Variants in CNST observed in about 807,000 individuals in gnomAD.
CNST encodes consortin, connexin sorting protein, also known as consortin.
A neutral mutation model predicts 72.4 loss-of-function variants in CNST; 39 were observed. The observed-to-expected ratio is 0.54, with a 90% CI of 0.42 to 0.70. The LOEUF (loss-of-function observed/expected upper bound fraction) is 0.70. Among genes scored for constraint, CNST ranks in the 30% least tolerant of loss-of-function variants. The pLI is 0.00. For missense variants in CNST, 871 were observed against 868.5 expected, an observed-to-expected ratio of 1.00 and a Z score of -0.04; for synonymous variants, 332 against 320.1, an observed-to-expected ratio of 1.04 and a Z score of -0.40.
intron 2 of CNST, among the ~76,000 whole-genome samples, chr1:246,599,008 G>A (rs1662077696): frequency 6.6e-6 from 1 of 152,114 alleles, no homozygotes; most frequent in East Asian, 1.9e-4. Context: ...AGAAACAGTA[G>A]CCTCTCATTT....
intron 9 of CNST, among the ~76,000 whole-genome samples, chr1:246,654,946 A>G (rs1446537762): frequency 6.6e-6 from 1 of 152,222 alleles, no homozygotes; most frequent in Non-Finnish European, 1.5e-5. Flanking sequence ...AGGGAGAGAC[A>G]CGTAATAAGT....
chr1:246,566,647 G>A lies in CNST; in HGVS notation c.-68G>A, dbSNP rs1263606134. ...CCGGCGCCCAGCGGTAGCCCTCCTT[G>A]CGCCTCCGATTCCCAGGTGAGGAGA... is the stretch of plus-strand genomic sequence containing the variant. On this transcript the variant is annotated 5_prime_UTR_variant, in exon 1 of 11. Coordinates refer to ENST00000366513, the MANE Select transcript of CNST (RefSeq NM_152609.3). The A allele has an allele frequency of 5.0e-6, 2 of 401,228 alleles. No individual in the cohort carries two copies. Among genetic ancestry groups the A allele is most frequent in the Non-Finnish European group, 8.8e-6 (2 of 227,418 alleles). 24.9% of individuals were successfully genotyped at this position (401,228 alleles called of 1,614,324 possible).
At chr1:246,658,220 A>G (rs893906062) in intron 9 of CNST, among the ~76,000 whole-genome samples, 4 of 152,200 alleles carry the variant, frequency 2.6e-5, no homozygotes, top group Non-Finnish European at 4.4e-5. Flanking sequence ...ATTCATGAAA[A>G]TTAATTCTTG....
intron 1 of CNST, among the ~76,000 whole-genome samples, chr1:246,575,436 A>C (rs1039072903): frequency 6.6e-6 from 1 of 152,210 alleles, no homozygotes; most frequent in Admixed American, 6.5e-5. Flanking sequence ...CCCCTTGAAA[A>C]CATGCTGAGT....
intron 1 of CNST, among the ~76,000 whole-genome samples, chr1:246,579,110 G>C (rs1660628370): frequency 1.3e-5 from 2 of 152,138 alleles, no homozygotes; most frequent in South Asian, 4.1e-4. Context: ...TGATTTATTT[G>C]AGCTTAAATA....
At chr1:246,573,248 A>G (rs540149133) in intron 1 of CNST, among the ~76,000 whole-genome samples, 22 of 152,336 alleles carry the variant, frequency 1.4e-4, no homozygotes, top group South Asian at 6.2e-4. Context: ...GCATTGGATA[A>G]GCACTGTAAA....
intron 3 of CNST, among the ~76,000 whole-genome samples, chr1:246,628,913 A>C (rs1192430181): frequency 6.6e-6 from 1 of 152,102 alleles, no homozygotes; most frequent in African/African-American, 2.4e-5. Context: ...ACATGATTCC[A>C]CTCAGCATCT....
rs1189898179 is a variant in CNST, at chr1:246,634,530, A to G, written c.761A>G (p.Lys254Arg). 6.2e-7 allele frequency: 1 copy of G among 1,609,718 alleles called. No individual in the cohort carries two copies. Among genetic ancestry groups the G allele is most frequent in the Non-Finnish European group, 8.5e-7 (1 of 1,179,156 alleles). The change falls in exon 6 of 11, where the codon AAG (lysine) becomes AGG (arginine). Residue 254 changes from lysine (K) to arginine (R), a missense_variant. By Grantham distance (26) the Lys-to-Arg change is conservative. Transcript: ENST00000366513. ...HTVTALRNSE[K>R]GFNGEDFERL... ...GTTACGGCTCTAAGGAATTCAGAAA[A>G]GGGATTTAATGGTGAAGATTTTGAA...
chr1:246,572,814 C>G (rs1660146374), intron 1 of CNST, among the ~76,000 whole-genome samples: 1 of 152,146 alleles, frequency 6.6e-6, no homozygotes, highest in Non-Finnish European at 1.5e-5. Flanking sequence ...GTGCCTACTT[C>G]AGCCTCTCAA....
chr1:246,573,833 C>T (rs1660212729), intron 1 of CNST, among the ~76,000 whole-genome samples: 2 of 151,408 alleles, frequency 1.3e-5, no homozygotes, highest in South Asian at 2.1e-4. Flanking sequence ...GGAGAGTTTC[C>T]ATTTTCCTCC....
chr1:246,634,539 ATGG>A lies in CNST; in HGVS notation c.773_775del (p.Gly258del), dbSNP rs776822854. Reference sequence around the variant, plus strand: ...CTAAGGAATTCAGAAAAGGGATTTAATGGTGAAGATTTTGAACGGCTTACGAAA... The same window carrying A: ...CTAAGGAATTCAGAAAAGGGATTTAATGAAGATTTTGAACGGCTTACGAAA... On this transcript the variant is annotated inframe_deletion, in exon 6 of 11. Coordinates refer to ENST00000366513, the MANE Select transcript of CNST (RefSeq NM_152609.3). The A allele has an allele frequency of 1.9e-6, 3 of 1,609,380 alleles. No individual in the cohort carries two copies. The highest frequency in any genetic ancestry group is 2.2e-5 in the South Asian group (2 of 89,808).
chr1:246,595,654 T>C (rs1425364643), intron 2 of CNST, among the ~76,000 whole-genome samples: 1 of 151,360 alleles, frequency 6.6e-6, no homozygotes, highest in Non-Finnish European at 1.5e-5. Flanking sequence ...TGAAATGACA[T>C]ATAAAAAACA....
At chr1:246,601,045 C>G (rs879559610) in intron 2 of CNST, among the ~76,000 whole-genome samples, 5 of 152,168 alleles carry the variant, frequency 3.3e-5, no homozygotes, top group Non-Finnish European at 7.3e-5. Context: ...TGGCTCACAC[C>G]TGTAATCCCA....
intron 2 of CNST, 101 bp downstream of exon 2, chr1:246,592,042 T>G: frequency 1.1e-6 from 1 of 945,416 alleles, no homozygotes; most frequent in Non-Finnish European, 1.5e-6. Flanking sequence ...GCTTCTTTGC[T>G]TACGATATTC....
chr1:246,641,329 T>G (rs1478131786), intron 6 of CNST, among the ~76,000 whole-genome samples: 1 of 152,238 alleles, frequency 6.6e-6, no homozygotes, highest in African/African-American at 2.4e-5. Context: ...TCCCTAACAT[T>G]TAATATTTAT....
chr1:246,624,231 C>G (rs1234458666), intron 3 of CNST, among the ~76,000 whole-genome samples: 2 of 152,218 alleles, frequency 1.3e-5, no homozygotes, highest in African/African-American at 2.4e-5. Context: ...GCACCAACAT[C>G]AAGGCAGCTT....
intron 2 of CNST, among the ~76,000 whole-genome samples, chr1:246,615,705 C>A (rs910990093): frequency 2.6e-5 from 4 of 151,128 alleles, no homozygotes; most frequent in Non-Finnish European, 5.9e-5. Flanking sequence ...ATGGAGAAAC[C>A]CCGTCTCTAC....
chr1:246,605,508 AC>A (rs1250456477), intron 2 of CNST, among the ~76,000 whole-genome samples: 7 of 152,164 alleles, frequency 4.6e-5, no homozygotes, highest in Non-Finnish European at 1.0e-4. Flanking sequence ...CTGGGTGCAG[AC>A]GGGCTGAGGC....
rs1665762106 is a variant in CNST at position 246,642,163 on chromosome 1, ATT to A, written c.937+130_937+131del. On this transcript the variant is annotated intron_variant, in intron 8 of 10. Transcript: ENST00000366513. The stretch of plus-strand genomic sequence containing the variant: ...TTTTTTTTTTTTTTTTTGCACTTAC[ATT>A]TTTGTACATATACCTCTCCTAGAAA... The A allele has an allele frequency of 6.3e-6, 3 of 475,886 alleles. No homozygotes were observed. In the African/African-American group the frequency reaches 1.3e-4, roughly 21 times the overall value. 29.5% of individuals were successfully genotyped at this position (475,886 alleles called of 1,614,324 possible).
Sources: allele counts gnomAD v4.1 joint callset (sites outside exome capture counted in the v4.1 genomes callset), GRCh38; gene constraint gnomAD v4.1.1; transcripts MANE v1.5; gene names NCBI Gene and HGNC (gene_info 2026-07-23, HGNC 2026-07-21).